Variants in SFRP1 observed in about 807,000 individuals in gnomAD.
SFRP1 encodes secreted frizzled-related protein 1.
Under a neutral mutation model 25.9 loss-of-function variants are expected in SFRP1, and 9 were observed. The observed-to-expected ratio is 0.35, with a 90% confidence interval of 0.21 to 0.61. The LOEUF (loss-of-function observed/expected upper bound fraction) is 0.61, where lower values mean the gene tolerates loss of function less well. Ranked by LOEUF, SFRP1 falls within the 20% of genes least tolerant of loss-of-function variation. The probability of loss-of-function intolerance (pLI) is 0.78; values close to 1 mark genes in which losing one functional copy is unlikely to be tolerated. For missense variants in SFRP1, 346 were observed against 418.2 expected, an observed-to-expected ratio of 0.83 and a Z score of 1.51; for synonymous variants, 178 against 174.0, an observed-to-expected ratio of 1.02 and a Z score of -0.18.
At chr8:41,280,291 G>C (rs1452254181) in intron 2 of SFRP1, among the ~76,000 whole-genome samples, 1 of 152,246 alleles carries the variant, frequency 6.6e-6, no homozygotes, top group Non-Finnish European at 1.5e-5. Context: ...AGGAACGCTG[G>C]CCTCTCAAAG....
At chr8:41,268,195 C>G (rs1803459648) in intron 2 of SFRP1, among the ~76,000 whole-genome samples, 1 of 152,162 alleles carries the variant, frequency 6.6e-6, no homozygotes, top group Non-Finnish European at 1.5e-5. Flanking sequence ...ATCTACGACT[C>G]CTTGTTTAAT....
intron 2 of SFRP1, among the ~76,000 whole-genome samples, chr8:41,294,091 A>C (rs1000813942): frequency 6.6e-6 from 1 of 152,208 alleles, no homozygotes; most frequent in Non-Finnish European, 1.5e-5. Flanking sequence ...TATGGGGCTG[A>C]GACCAAAGGA....
intron 2 of SFRP1, among the ~76,000 whole-genome samples, chr8:41,279,223 A>G (rs1487336008): frequency 6.6e-6 from 1 of 152,132 alleles, no homozygotes; most frequent in African/African-American, 2.4e-5. Context: ...AAATGAACAG[A>G]GAGATGGAAA....
Position 41,264,970 on chromosome 8 carries a change from G to A in SFRP1, c.*197C>T, listed in dbSNP as rs569269633. 1.5e-4 allele frequency: 85 copies of A among 553,606 alleles called. No individual in the cohort carries two copies. Among genetic ancestry groups the A allele is most frequent in the South Asian group, 3.2e-4 (12 of 37,944 alleles). 34.3% of individuals were successfully genotyped at this position (553,606 alleles called of 1,614,324 possible). A position where few individuals can be genotyped will look rare whatever the true frequency, so the allele number is the denominator to read the frequency against. Reference sequence around the variant, plus strand: ...AATCTAAATGGCCCTTGCTTTACCCGGCCATGGCTACCCTGGGGTTTGGAG... The same window carrying A: ...AATCTAAATGGCCCTTGCTTTACCCAGCCATGGCTACCCTGGGGTTTGGAG... On this transcript the variant is annotated 3_prime_UTR_variant, in exon 3 of 3. Transcript: ENST00000220772.
chr8:41,290,885 T>A (rs562455731), intron 2 of SFRP1, among the ~76,000 whole-genome samples: 1 of 116,914 alleles, frequency 8.6e-6, no homozygotes, highest in South Asian at 3.1e-4. Context: ...CTCTTCCTCG[T>A]CTTTTTTTTT....
At position 41,264,422 on chromosome 8, in the gene SFRP1, G is replaced by A. The variant is rs1208927018; in HGVS notation, c.*745C>T. The A allele has an allele frequency of 3.3e-5, 5 of 152,122 alleles. No individual in the cohort carries two copies. Among genetic ancestry groups the A allele is most frequent in the African/African-American group, 4.8e-5 (2 of 41,420 alleles). 9.4% of individuals were successfully genotyped at this position (152,122 alleles called of 1,614,324 possible). A position where few individuals can be genotyped will look rare whatever the true frequency, so the allele number is the denominator to read the frequency against. On this transcript the variant is annotated 3_prime_UTR_variant, in exon 3 of 3. Coordinates refer to ENST00000220772, the MANE Select transcript of SFRP1 (RefSeq NM_003012.5). ...TGTGGTTTCCTTTTTCTGACACAAA[G>A]GCAGGCACAGGCTGCCCCTCCACAT...
chr8:41,275,593 C>T (rs10111347), intron 2 of SFRP1, among the ~76,000 whole-genome samples: 22,626 of 148,722 alleles, frequency 0.15, 2,833 homozygotes, highest in East Asian at 0.38. Context: ...ACCTCTGCCT[C>T]CTGGGTTCAA....
rs1563357161 is a variant in SFRP1, at chr8:41,265,481, T to C, written c.631A>G (p.Met211Val). Residue 211 changes from methionine (M) to valine (V), a missense_variant, in exon 3 of 3, where the codon ATG becomes GTG. Transcript: ENST00000220772. ...HLCASEFALR[M>V]KIKEVKKENG... ...TCTTTTTTCACTTCTTTTATTTTCA[T>C]CCTCAGTGCTAGAGATGGAGAGGAC... is the stretch of plus-strand genomic sequence containing the variant. 3.7e-6 allele frequency: 6 copies of C among 1,605,878 alleles called. No homozygotes were observed. The highest frequency in any genetic ancestry group is 5.1e-6 in the Non-Finnish European group (6 of 1,177,758).
At chr8:41,299,179 C>T (rs1020875829) in intron 2 of SFRP1, among the ~76,000 whole-genome samples, 1 of 151,690 alleles carries the variant, frequency 6.6e-6, no homozygotes. Context: ...CTCTAGTGCA[C>T]TAAGCAATGG....
chr8:41,304,409 A>G (rs1803967289), intron 1 of SFRP1, among the ~76,000 whole-genome samples: 1 of 151,812 alleles, frequency 6.6e-6, no homozygotes, highest in Non-Finnish European at 1.5e-5. Flanking sequence ...GAAGTGGCTT[A>G]TCATCATTGT....
chr8:41,303,249 C>T (rs778260564), intron 2 of SFRP1, among the ~76,000 whole-genome samples: 8 of 152,016 alleles, frequency 5.3e-5, no homozygotes, highest in Admixed American at 1.3e-4. Context: ...CGATCCCCCA[C>T]AAAGGAGGGC....
intron 2 of SFRP1, chr8:41,298,171 G>A (rs1269000740): frequency 6.6e-6 from 1 of 152,164 alleles, no homozygotes; most frequent in African/African-American, 2.4e-5. Flanking sequence ...GCTTGCTTCA[G>A]TAGCACACAT....
intron 2 of SFRP1, among the ~76,000 whole-genome samples, chr8:41,291,452 A>G (rs1803778589): frequency 6.6e-6 from 1 of 152,246 alleles, no homozygotes; most frequent in Non-Finnish European, 1.5e-5. Context: ...TCTGATCTCC[A>G]CTGGGATTAT....
At chr8:41,284,375 GGCCCCCTCCCACATTGTCTGA>G (rs138504387) in intron 2 of SFRP1, among the ~76,000 whole-genome samples, 77,561 of 108,646 alleles carry the variant, frequency 0.71, 23,607 homozygotes, top group African/African-American at 0.79. Flanking sequence ...ATTGCTGGAG[GGCCCCCTCCCACATTGTCTGA>G]GCCCCTCCCA....
intron 2 of SFRP1, among the ~76,000 whole-genome samples, chr8:41,301,399 C>T (rs1563367081): frequency 6.6e-6 from 1 of 152,130 alleles, no homozygotes; most frequent in East Asian, 1.9e-4. Flanking sequence ...GCTGCATTCT[C>T]TAAGGTGCTA....
intron 1 of SFRP1, among the ~76,000 whole-genome samples, chr8:41,306,355 G>A (rs1043012570): frequency 5.9e-5 from 9 of 152,142 alleles, no homozygotes; most frequent in Non-Finnish European, 1.3e-4. Flanking sequence ...AAGAATAAAC[G>A]AATAAAAGAG....
intron 2 of SFRP1, among the ~76,000 whole-genome samples, chr8:41,275,644 A>G (rs556998603): frequency 9.9e-5 from 15 of 152,072 alleles, no homozygotes; most frequent in African/African-American, 3.4e-4. Flanking sequence ...CTGGGACTAC[A>G]GGCACACACC....
Position 41,268,046 on chromosome 8 carries a change from T to C in SFRP1, c.623-2557A>G, listed in dbSNP as rs781668881. 1.8e-4 allele frequency among the ~76,000 whole-genome samples: 28 copies of C among 152,232 alleles called. 1 individual carries two copies. Among genetic ancestry groups the C allele is most frequent in the Admixed American group, 1.3e-4 (2 of 15,290 alleles). ...CTTTATTATTTAATATTTTAATTTATTTTATTTATTAGAGATGGGAGAAAC... is the reference window on the plus strand; with the variant it reads ...CTTTATTATTTAATATTTTAATTTACTTTATTTATTAGAGATGGGAGAAAC... On this transcript the variant is annotated intron_variant, in intron 2 of 2. Transcript: ENST00000220772.
chr8:41,277,780 T>TTTTTTTTATTTTTGTACAGATGGTG (rs1364823617), intron 2 of SFRP1, among the ~76,000 whole-genome samples: 1 of 152,200 alleles, frequency 6.6e-6, no homozygotes, highest in East Asian at 1.9e-4. Flanking sequence ...TAAAAAAATG[T>TTTTTTTTATTTTTGTACAGATGGTG]TCTTTAGTTT....
Sources: allele counts gnomAD v4.1 joint callset (sites outside exome capture counted in the v4.1 genomes callset), GRCh38; gene constraint gnomAD v4.1.1; transcripts MANE v1.5; gene names NCBI Gene and HGNC (gene_info 2026-07-23, HGNC 2026-07-21).